CNBD1: variants seen among roughly 807,000 people sequenced by gnomAD.
The protein encoded by CNBD1 is cyclic nucleotide-binding domain-containing protein 1.
CNBD1 carries 71 observed loss-of-function variants against 54.4 expected under a neutral mutation model. That is an observed-to-expected ratio of 1.30 (90% CI 1.08 to 1.59). CNBD1 has a LOEUF of 1.59. CNBD1 is among the 40% of genes most tolerant of loss of function. The pLI, the probability that CNBD1 is intolerant of heterozygous loss-of-function variation, is 0.00. For missense variants in CNBD1, 659 were observed against 518.0 expected (o/e 1.27, Z -2.64); for synonymous variants, 182 against 170.7 (o/e 1.07, Z -0.51).
chr8:86,988,126 G>T (rs4961009), intron 4 of CNBD1, among the ~76,000 whole-genome samples: 74,010 of 147,660 alleles, frequency 0.5, 19,914 homozygotes, highest in East Asian at 0.74. Context: ...CTGGTCCAGG[G>T]CATTTTTGGT....
chr8:87,083,119 G>T (rs896071359), intron 4 of CNBD1, among the ~76,000 whole-genome samples: 1 of 152,076 alleles, frequency 6.6e-6, no homozygotes, highest in Non-Finnish European at 1.5e-5. Flanking sequence ...TATATATCAT[G>T]ACTTACTTTC....
At chr8:87,350,862 G>A (rs1357281494) in intron 8 of CNBD1, among the ~76,000 whole-genome samples, 2 of 152,024 alleles carry the variant, frequency 1.3e-5, no homozygotes, top group African/African-American at 4.8e-5. Context: ...AAAATGTTAT[G>A]TAGATCAAGG....
At chr8:86,962,556 C>T (rs946584981) in intron 4 of CNBD1, among the ~76,000 whole-genome samples, 7 of 152,084 alleles carry the variant, frequency 4.6e-5, no homozygotes, top group East Asian at 3.9e-4. Flanking sequence ...GAGGCTGAGG[C>T]GGGCACATCA....
intron 4 of CNBD1, among the ~76,000 whole-genome samples, chr8:87,138,467 T>G (rs1812304623): frequency 6.6e-6 from 1 of 152,218 alleles, no homozygotes; most frequent in Admixed American, 6.5e-5. Context: ...GTAACTTCTC[T>G]GTTTGCAAGC....
intron 2 of CNBD1, among the ~76,000 whole-genome samples, chr8:87,423,348 T>G (rs1244134540): frequency 6.7e-6 from 1 of 148,274 alleles, no homozygotes; most frequent in Admixed American, 6.7e-5. Context: ...ATCCCTGTCT[T>G]GTGCCAGTTT....
At chr8:87,089,890 T>G (rs1811172525) in intron 4 of CNBD1, among the ~76,000 whole-genome samples, 1 of 152,138 alleles carries the variant, frequency 6.6e-6, no homozygotes, top group Non-Finnish European at 1.5e-5. Flanking sequence ...AATAAATTCC[T>G]GAAAAATTAG....
chr8:87,279,034 T>G (rs1808537527), intron 6 of CNBD1, among the ~76,000 whole-genome samples: 1 of 151,386 alleles, frequency 6.6e-6, no homozygotes, highest in Non-Finnish European at 1.5e-5. Flanking sequence ...ATTTTTCTAT[T>G]TAATTAATAG....
At chr8:87,366,044 C>A (rs769957909) in intron 10 of CNBD1, among the ~76,000 whole-genome samples, 36 of 152,006 alleles carry the variant, frequency 2.4e-4, no homozygotes, top group Admixed American at 5.9e-4. Context: ...TGGTAAGAAG[C>A]CAGTATCCAG....
intron 4 of CNBD1, among the ~76,000 whole-genome samples, chr8:87,097,500 A>G (rs2130688415): frequency 6.6e-6 from 1 of 152,352 alleles, no homozygotes; most frequent in Non-Finnish European, 1.5e-5. Flanking sequence ...GACAAGCACA[A>G]GTCCTGTCTT....
intron 4 of CNBD1, among the ~76,000 whole-genome samples, chr8:86,976,959 T>A (rs1852028): frequency 3.3e-5 from 5 of 151,744 alleles, no homozygotes; most frequent in Non-Finnish European, 5.9e-5. Context: ...AAGATCATTC[T>A]ATCGGCAAAC....
chr8:87,312,832 A>T (rs980763429), intron 8 of CNBD1, among the ~76,000 whole-genome samples: 1 of 152,014 alleles, frequency 6.6e-6, no homozygotes, highest in South Asian at 2.1e-4. Context: ...CATGTCAAAG[A>T]CCTGCATTTC....
chr8:87,057,784 G>C (rs1468247071), intron 4 of CNBD1, among the ~76,000 whole-genome samples: 1 of 152,098 alleles, frequency 6.6e-6, no homozygotes, highest in African/African-American at 2.4e-5. Context: ...GGGAGACAGA[G>C]GTTGCAGTGA....
At chr8:87,268,937 C>G (rs1808312919) in intron 6 of CNBD1, among the ~76,000 whole-genome samples, 2 of 151,914 alleles carry the variant, frequency 1.3e-5, no homozygotes, top group South Asian at 4.2e-4. Context: ...TTAGGTCCTA[C>G]TTGTCAAGTT....
intron 8 of CNBD1, among the ~76,000 whole-genome samples, chr8:87,328,308 T>TA (rs1712925940): frequency 6.6e-6 from 1 of 152,064 alleles, no homozygotes; most frequent in Non-Finnish European, 1.5e-5. Context: ...TTTCTGGGCT[T>TA]TTTATTATGT....
chr8:87,358,079 G>T (rs916261790), intron 10 of CNBD1, among the ~76,000 whole-genome samples: 3 of 152,002 alleles, frequency 2.0e-5, no homozygotes, highest in East Asian at 1.9e-4. Flanking sequence ...GATTCCCGAG[G>T]CCTCATCAGT....
chr8:87,182,949 T>C lies in CNBD1; in HGVS notation c.432-23044T>C, dbSNP rs937659381. ...ATTTTTGTTTTGTTACAATTGCTTT[T>C]GGAGACTTTGACATGAAATTTTTGC... is the stretch of plus-strand genomic sequence containing the variant. On this transcript the variant is annotated intron_variant, in intron 4 of 10. Coordinates refer to ENST00000518476, the MANE Select transcript of CNBD1 (RefSeq NM_173538.3). The surrounding 1 kb of genome is among the most constrained non-coding windows in gnomAD (Gnocchi z 4.1). Among the ~76,000 whole-genome samples the C allele has an allele frequency of 7.2e-5, 11 of 152,192 alleles. No homozygotes were observed. Among genetic ancestry groups the C allele is most frequent in the African/African-American group, 2.7e-4 (11 of 41,456 alleles).
At chr8:86,917,027 T>G (rs1359535959) in intron 3 of CNBD1, among the ~76,000 whole-genome samples, 2 of 151,984 alleles carry the variant, frequency 1.3e-5, no homozygotes, top group African/African-American at 4.8e-5. Flanking sequence ...AGCACCACCG[T>G]GCCCAGCTAA....
intron 6 of CNBD1, among the ~76,000 whole-genome samples, chr8:87,254,405 G>A (rs4523272): frequency 0.24 from 35,774 of 152,106 alleles, 4,345 homozygotes; most frequent in South Asian, 0.28. Context: ...AATAATTTGT[G>A]ATATAATTTT....
At chr8:87,190,224 G>T (rs1813572409) in intron 4 of CNBD1, among the ~76,000 whole-genome samples, 1 of 152,096 alleles carries the variant, frequency 6.6e-6, no homozygotes. Flanking sequence ...ATATGTTCAT[G>T]TACCCCCAAA....
Sources: allele counts gnomAD v4.1 joint callset (sites outside exome capture counted in the v4.1 genomes callset), GRCh38; gene constraint gnomAD v4.1.1; non-coding constraint Gnocchi (gnomAD v3.1); transcripts MANE v1.5; gene names NCBI Gene and HGNC (gene_info 2026-07-23, HGNC 2026-07-21).